The following CDON variants were observed in gnomAD, a reference collection of about 807,000 sequenced individuals.
The protein encoded by CDON is cell adhesion associated, oncogene regulated.
In CDON, 73 loss-of-function variants were observed where a neutral mutation model predicts 120.9. The observed-to-expected ratio is 0.60, with a 90% CI of 0.50 to 0.73. The LOEUF is 0.73. Among genes scored for constraint, CDON ranks in the 30% least tolerant of loss-of-function variants. The pLI is 0.00. For missense variants in CDON, 1,470 were observed against 1,587.3 expected (o/e 0.93, Z 1.26); for synonymous variants, 566 against 573.5 (o/e 0.99, Z 0.19).
intron 15 of CDON, among the ~76,000 whole-genome samples, chr11:125,986,299 G>A (rs368538706): frequency 6.6e-6 from 1 of 152,126 alleles, no homozygotes; most frequent in South Asian, 2.1e-4. Flanking sequence ...GCCTGTCATG[G>A]GGGGAGGGGA....
intron 1 of CDON, among the ~76,000 whole-genome samples, chr11:126,045,184 T>C (rs1948372711): frequency 6.6e-6 from 1 of 152,014 alleles, no homozygotes; most frequent in Non-Finnish European, 1.5e-5. Context: ...CGCCACCATG[T>C]CCAGTTAATT....
At chr11:126,019,482 G>A (rs1947568036) in intron 4 of CDON, 137 bp downstream of exon 4, 1 of 890,162 alleles carries the variant, frequency 1.1e-6, no homozygotes, top group African/African-American at 1.7e-5. Flanking sequence ...TTTGTATATT[G>A]TAACCATTTG....
rs189208890 is a variant in CDON, at chr11:126,021,171, T to C, written c.349+77A>G. On this transcript the variant is annotated intron_variant, in intron 3 of 19. Coordinates refer to ENST00000531738, the MANE Select transcript of CDON (RefSeq NM_001378964.1). Reference sequence around the variant, plus strand: ...TGCTTTACACCAAAGCCCATGGTCTTTCCCCTCTTCAGAAATATAAGCACT... The same window carrying C: ...TGCTTTACACCAAAGCCCATGGTCTCTCCCCTCTTCAGAAATATAAGCACT... 1.4e-3 allele frequency: 2,046 copies of C among 1,479,476 alleles called. 27 individuals are homozygous for C. The South Asian group carries it at 0.015, about 11-fold the overall frequency. The allele number at this position is 1,479,476 out of a possible 1,614,324, so 91.6% of individuals were successfully genotyped here. A position where few individuals can be genotyped will look rare whatever the true frequency, so the allele number is the denominator to read the frequency against.
At chr11:125,996,715 A>AG in intron 12 of CDON, among the ~76,000 whole-genome samples, 1 of 151,128 alleles carries the variant, frequency 6.6e-6, no homozygotes, top group Admixed American at 6.6e-5. Flanking sequence ...AAAAAAAAAA[A>AG]AAAAAAAAGG....
intron 14 of CDON, among the ~76,000 whole-genome samples, chr11:125,991,320 C>G (rs1331598853): frequency 1.3e-5 from 2 of 152,022 alleles, no homozygotes; most frequent in Non-Finnish European, 2.9e-5. Flanking sequence ...TAAAACTGAC[C>G]AACCAGCATG....
chr11:126,008,791 T>A (rs1465947594), intron 8 of CDON, among the ~76,000 whole-genome samples: 2 of 152,214 alleles, frequency 1.3e-5, no homozygotes, highest in Non-Finnish European at 1.5e-5. Context: ...TAGGTGCAAA[T>A]TTATGTAACA....
intron 1 of CDON, among the ~76,000 whole-genome samples, chr11:126,030,809 C>G (rs777046301): frequency 1.3e-5 from 2 of 152,148 alleles, no homozygotes; most frequent in Non-Finnish European, 2.9e-5. Context: ...CTACCTTGAC[C>G]TTAACCACAG....
At chr11:126,055,152 A>G (rs1354110227) in intron 1 of CDON, among the ~76,000 whole-genome samples, 1 of 152,242 alleles carries the variant, frequency 6.6e-6, no homozygotes. Flanking sequence ...GGGGCAAACC[A>G]AAACTGAAGA....
chr11:126,036,554 T>C (rs1948101922), intron 1 of CDON, among the ~76,000 whole-genome samples: 1 of 152,208 alleles, frequency 6.6e-6, no homozygotes, highest in African/African-American at 2.4e-5. Flanking sequence ...AGACCCTATG[T>C]TTATAGAATA....
At chr11:126,015,553 T>G in intron 6 of CDON, 43 bp from the exon 7 acceptor site, 1 of 1,597,228 alleles carries the variant, frequency 6.3e-7, no homozygotes, top group Non-Finnish European at 8.6e-7. Context: ...CCTCAAAATG[T>G]ACTTCTTAAA....
At chr11:126,015,766 G>A (rs567625167) in intron 6 of CDON, among the ~76,000 whole-genome samples, 3 of 152,082 alleles carry the variant, frequency 2.0e-5, no homozygotes, top group African/African-American at 4.8e-5. Context: ...CACAACATAC[G>A]CGAATACACA....
chr11:125,997,227 T>C lies in CDON; in HGVS notation c.2342A>G (p.Glu781Gly), dbSNP rs1232131999. The stretch of plus-strand genomic sequence containing the variant: ...ACTACCTGGTTCTAAACTACGAACT[T>C]CCACTGAAAGTTTGGAAGGAGGGAT... Reference protein sequence around the residue: ...EDIPPSKLSVEVRSLEPGSTY... With the variant: ...EDIPPSKLSVGVRSLEPGSTY... Residue 781 changes from glutamate (E) to glycine (G), a missense_variant, in exon 12 of 20, where the codon GAA becomes GGA. By Grantham distance (98) the Glu-to-Gly change is moderately conservative. Coordinates refer to ENST00000531738, the MANE Select transcript of CDON (RefSeq NM_001378964.1). 1.2e-6 allele frequency: 2 copies of C among 1,613,548 alleles called. No individual in the cohort carries two copies. The highest frequency in any genetic ancestry group is 1.7e-6 in the Non-Finnish European group (2 of 1,179,548).
chr11:125,976,618 AACACACAC>A (rs60615493), intron 18 of CDON, among the ~76,000 whole-genome samples: 58,458 of 151,072 alleles, frequency 0.39, 11,305 homozygotes, highest in Admixed American at 0.43. Flanking sequence ...CACACACACA[AACACACAC>A]ACACACACAC....
At chr11:126,031,520 GAATTGCTTGCT>G in intron 1 of CDON, among the ~76,000 whole-genome samples, 1 of 152,164 alleles carries the variant, frequency 6.6e-6, no homozygotes, top group South Asian at 2.1e-4. Flanking sequence ...AGAAAAAAGT[GAATTGCTTGCT>G]GTGTTTGGAT....
At chr11:126,049,130 C>T (rs539273095) in intron 1 of CDON, among the ~76,000 whole-genome samples, 1 of 152,302 alleles carries the variant, frequency 6.6e-6, no homozygotes, top group South Asian at 2.1e-4. Context: ...CAAATTAATG[C>T]ATATTGCTCA....
chr11:126,004,190 G>T (rs1268039356), intron 9 of CDON, 114 bp from the exon 10 acceptor site: 2 of 1,022,948 alleles, frequency 2.0e-6, no homozygotes, highest in Non-Finnish European at 2.9e-6. Context: ...GTTTTAAGAA[G>T]TAATACAGCA....
chr11:126,030,417 C>CTATTTCAAACTTTCTTGTAGTTT (rs1228778075), intron 1 of CDON, among the ~76,000 whole-genome samples: 1 of 152,162 alleles, frequency 6.6e-6, no homozygotes, highest in African/African-American at 2.4e-5. Flanking sequence ...TCCTAGCCTC[C>CTATTTCAAACTTTCTTGTAGTTT]TATTTCAAAC....
intron 1 of CDON, among the ~76,000 whole-genome samples, chr11:126,028,881 T>C (rs1053533792): frequency 1.2e-4 from 18 of 152,074 alleles, no homozygotes; most frequent in African/African-American, 4.3e-4. Flanking sequence ...TAACACTCTA[T>C]GAATATTTTG....
In CDON at chr11:126,059,615, G is replaced by A. The variant is rs370020742; in HGVS notation, c.-62+2964C>T. ...CGCTAATGGAATTCCCAGGGTCTTG[G>A]AGCCGCTTCGGGGATCAAGAGATCT... On this transcript the variant is annotated intron_variant, in intron 1 of 19. Transcript: ENST00000531738. Among the ~76,000 whole-genome samples, 5 of 152,110 alleles carry A rather than the reference G, an allele frequency of 3.3e-5. No individual in the cohort carries two copies. In the South Asian group the frequency reaches 8.3e-4, roughly 25 times the overall value.
Sources: allele counts gnomAD v4.1 joint callset (sites outside exome capture counted in the v4.1 genomes callset), GRCh38; gene constraint gnomAD v4.1.1; transcripts MANE v1.5; gene names NCBI Gene and HGNC (gene_info 2026-07-23, HGNC 2026-07-21).